PCDH9: variants seen among roughly 807,000 people sequenced by gnomAD.
PCDH9 encodes the protein protocadherin 9.
PCDH9 carries 24 observed loss-of-function variants against 70.6 expected under a neutral mutation model. The ratio of observed to expected loss-of-function variants is 0.34; its 90% confidence interval spans 0.25 to 0.48. The LOEUF is 0.48. Ranked by LOEUF, PCDH9 falls within the 20% of genes least tolerant of loss-of-function variation. The pLI is 0.99. For missense variants in PCDH9, 1,281 were observed against 1,503.6 expected (o/e 0.85, Z 2.45); for synonymous variants, 562 against 558.5 (o/e 1.01, Z -0.09).
chr13:66,337,169 C>T (rs1956050768), intron 4 of PCDH9, among the ~76,000 whole-genome samples: 2 of 151,764 alleles, frequency 1.3e-5, no homozygotes, highest in East Asian at 3.9e-4. Flanking sequence ...TTGGTATATT[C>T]CCAATATCAA....
chr13:66,416,463 A>G (rs1178360296), intron 4 of PCDH9, among the ~76,000 whole-genome samples: 2 of 152,338 alleles, frequency 1.3e-5, no homozygotes, highest in African/African-American at 4.8e-5. Context: ...AATGTCTTCC[A>G]GAAATCTAAT....
chr13:67,221,712 A>G (rs1200659698), intron 2 of PCDH9: 2 of 152,068 alleles, frequency 1.3e-5, no homozygotes, highest in Non-Finnish European at 2.9e-5. Context: ...CCAAAAAACC[A>G]CACAGGGGCC....
chr13:66,497,462 A>G (rs1482782291), intron 4 of PCDH9, among the ~76,000 whole-genome samples: 1 of 152,138 alleles, frequency 6.6e-6, no homozygotes, highest in East Asian at 1.9e-4. Flanking sequence ...ATGTAGTTGG[A>G]TATAATTTCA....
intron 3 of PCDH9, among the ~76,000 whole-genome samples, chr13:66,894,293 GA>G (rs368035161): frequency 0.03 from 4,435 of 147,954 alleles, 205 homozygotes; most frequent in African/African-American, 0.099. Context: ...ACTATCTAAA[GA>G]AAAAAAAAAT....
At chr13:66,345,520 T>C (rs1165113721) in intron 4 of PCDH9, among the ~76,000 whole-genome samples, 1 of 152,112 alleles carries the variant, frequency 6.6e-6, no homozygotes, top group South Asian at 2.1e-4. Context: ...GCCAATCTCC[T>C]GAACATTCAA....
chr13:66,797,794 G>A (rs2324991), intron 3 of PCDH9, among the ~76,000 whole-genome samples: 144,333 of 152,120 alleles, frequency 0.95, 68,971 homozygotes, highest in East Asian at 1. Flanking sequence ...TATAGAAAAG[G>A]ACAGAAAGTT....
intron 2 of PCDH9, among the ~76,000 whole-genome samples, chr13:67,183,776 CTGT>C (rs1203655902): frequency 6.6e-6 from 1 of 151,832 alleles, no homozygotes; most frequent in Non-Finnish European, 1.5e-5. Flanking sequence ...AAGATTTAAC[CTGT>C]TTACGACTGA....
chr13:67,176,441 G>A (rs1265558838), intron 2 of PCDH9, among the ~76,000 whole-genome samples: 1 of 151,852 alleles, frequency 6.6e-6, no homozygotes, highest in African/African-American at 2.4e-5. Context: ...TCCATTCAGT[G>A]TTAAGGTTTC....
At chr13:67,107,361 A>G (rs2086568455) in intron 2 of PCDH9, among the ~76,000 whole-genome samples, 1 of 152,226 alleles carries the variant, frequency 6.6e-6, no homozygotes, top group Non-Finnish European at 1.5e-5. Flanking sequence ...GCCCATGGCC[A>G]CCCATAGGCC....
chr13:67,114,966 G>T (rs2086729719), intron 2 of PCDH9, among the ~76,000 whole-genome samples: 1 of 152,152 alleles, frequency 6.6e-6, no homozygotes, highest in Admixed American at 6.5e-5. Flanking sequence ...TTACCCGTTT[G>T]TGTTAGCTCC....
intron 4 of PCDH9, among the ~76,000 whole-genome samples, chr13:66,505,771 G>A (rs964912578): frequency 2.6e-5 from 4 of 152,098 alleles, no homozygotes; most frequent in African/African-American, 7.2e-5. Context: ...CATACAATAC[G>A]TGGGAATTAT....
At chr13:66,463,213 A>G (rs1451788135) in intron 4 of PCDH9, among the ~76,000 whole-genome samples, 1 of 151,750 alleles carries the variant, frequency 6.6e-6, no homozygotes, top group Non-Finnish European at 1.5e-5. Context: ...CATCTGGGAG[A>G]ATTCAATGAG....
At chr13:66,462,899 A>C (rs1172237137) in intron 4 of PCDH9, among the ~76,000 whole-genome samples, 1 of 151,828 alleles carries the variant, frequency 6.6e-6, no homozygotes, top group Non-Finnish European at 1.5e-5. Context: ...TCCACTATAC[A>C]AAGAATTTTA....
rs922724351 is a variant in PCDH9 at position 66,666,451 on chromosome 13, T to A, written c.3139-35040A>T. On this transcript the variant is annotated intron_variant, in intron 3 of 4. Transcript: ENST00000377865. ...TGTTTTTTTTTTCTTTTTTTATTTC[T>A]CCATATTTTGGATGCTCTCAAAGCA... 3.9e-5 allele frequency among the ~76,000 whole-genome samples: 6 copies of A among 152,114 alleles called. No individual in the cohort carries two copies. In the South Asian group the frequency reaches 8.3e-4, roughly 21 times the overall value.
At chr13:66,707,406 C>T (rs1475431430) in intron 3 of PCDH9, among the ~76,000 whole-genome samples, 1 of 152,178 alleles carries the variant, frequency 6.6e-6, no homozygotes, top group Non-Finnish European at 1.5e-5. Flanking sequence ...ATATTGCCAG[C>T]TATTAAGCTA....
At chr13:67,177,703 A>G (rs368162271) in intron 2 of PCDH9, among the ~76,000 whole-genome samples, 2 of 152,120 alleles carry the variant, frequency 1.3e-5, no homozygotes, top group East Asian at 3.9e-4. Context: ...GCGTTCAAAT[A>G]CTATTTGTTA....
intron 3 of PCDH9, among the ~76,000 whole-genome samples, chr13:66,715,327 G>A (rs1165541711): frequency 6.6e-6 from 1 of 152,060 alleles, no homozygotes; most frequent in Non-Finnish European, 1.5e-5. Context: ...TCATTAAAGT[G>A]ACTAATATCT....
intron 4 of PCDH9, among the ~76,000 whole-genome samples, chr13:66,504,065 G>A (rs779121209): frequency 2.6e-5 from 4 of 152,088 alleles, no homozygotes; most frequent in African/African-American, 9.7e-5. Flanking sequence ...TCTCTGCTCC[G>A]TAAACACAAC....
intron 3 of PCDH9, among the ~76,000 whole-genome samples, chr13:66,716,294 G>T (rs536243223): frequency 2.5e-4 from 38 of 152,282 alleles, no homozygotes; most frequent in African/African-American, 7.5e-4. Flanking sequence ...CCATGTTTGT[G>T]CTATACATTA....
Sources: gnomAD v4.1 joint callset for allele counts (sites outside exome capture counted in the v4.1 genomes callset) on GRCh38, gnomAD v4.1.1 for gene constraint, MANE v1.5 for transcripts, NCBI Gene and HGNC (gene_info 2026-07-23, HGNC 2026-07-21) for gene names.